Variants in RNF152 observed in about 807,000 individuals in gnomAD.
The protein encoded by RNF152 is ring finger protein 152.
Under a neutral mutation model 12.7 loss-of-function variants are expected in RNF152, and 11 were observed. The ratio of observed to expected loss-of-function variants is 0.86; its 90% CI spans 0.54 to 1.43. The LOEUF (loss-of-function observed/expected upper bound fraction) is 1.43. Ranked by LOEUF, RNF152 falls within the 40% of genes most tolerant of loss-of-function variation. The pLI is 0.00. For synonymous variants in RNF152, 113 were observed against 120.3 expected (o/e 0.94, Z 0.40); for missense variants, 255 against 274.8 (o/e 0.93, Z 0.51).
At chr18:61,869,665 T>C (rs1911895366) in intron 1 of RNF152, among the ~76,000 whole-genome samples, 1 of 152,172 alleles carries the variant, frequency 6.6e-6, no homozygotes, top group African/African-American at 2.4e-5. Flanking sequence ...TTAGAATAAG[T>C]ACAGGTTTTA....
chr18:61,873,495 C>A (rs2076402590), intron 1 of RNF152, among the ~76,000 whole-genome samples: 1 of 152,156 alleles, frequency 6.6e-6, no homozygotes, highest in African/African-American at 2.4e-5. Flanking sequence ...GCCACCACGC[C>A]TGGCTAATTT....
chr18:61,856,619 C>T (rs879256284), intron 1 of RNF152, among the ~76,000 whole-genome samples: 3 of 152,312 alleles, frequency 2.0e-5, no homozygotes, highest in South Asian at 2.1e-4. Context: ...TTTGATACCC[C>T]TTCTTTCTGC....
chr18:61,868,628 G>A (rs1417307387), intron 1 of RNF152, among the ~76,000 whole-genome samples: 1 of 152,082 alleles, frequency 6.6e-6, no homozygotes, highest in Non-Finnish European at 1.5e-5. Context: ...TCATGAACCC[G>A]GGAAGCAGAG....
At position 61,878,204 on chromosome 18, in the gene RNF152, T is replaced by C. The variant is rs559134656; in HGVS notation, c.-136+14591A>G. 2.6e-5 allele frequency among the ~76,000 whole-genome samples: 4 copies of C among 152,288 alleles called. No individual in the cohort carries two copies. In the South Asian group the frequency reaches 8.3e-4, roughly 32 times the overall value. On this transcript the variant is annotated intron_variant, in intron 1 of 1. Coordinates refer to ENST00000312828, the MANE Select transcript of RNF152 (RefSeq NM_173557.3). ...TGATTGTCAACTAGGGGTAATTTTG[T>C]CCCCTAGAGGACATTTGGCAATGTC...
intron 1 of RNF152, among the ~76,000 whole-genome samples, chr18:61,878,792 C>T (rs371021123): frequency 6.6e-6 from 1 of 152,178 alleles, no homozygotes; most frequent in Non-Finnish European, 1.5e-5. Context: ...ATCCCATTCA[C>T]AAGGGCAGAG....
chr18:61,818,679 A>G (rs1909232643), intron 1 of RNF152, among the ~76,000 whole-genome samples: 1 of 152,244 alleles, frequency 6.6e-6, no homozygotes, highest in Non-Finnish European at 1.5e-5. Flanking sequence ...CAAAGCACAA[A>G]GCTAAATACT....
chr18:61,819,014 ACAGGCT>A (rs1230566616), intron 1 of RNF152, among the ~76,000 whole-genome samples: 6 of 152,212 alleles, frequency 3.9e-5, no homozygotes, highest in African/African-American at 1.4e-4. Flanking sequence ...AAATCAGGGG[ACAGGCT>A]ATTTTCAGGT....
intron 1 of RNF152, among the ~76,000 whole-genome samples, chr18:61,877,067 C>T (rs1443004534): frequency 1.3e-5 from 2 of 152,162 alleles, no homozygotes; most frequent in African/African-American, 4.8e-5. Context: ...GCAAATAGAA[C>T]AGGCACACAG....
rs1464716915 is a variant in RNF152, at chr18:61,810,400, C to T, written c.*5452G>A. On this transcript the variant is annotated 3_prime_UTR_variant, in exon 2 of 2. Coordinates refer to ENST00000312828, the MANE Select transcript of RNF152 (RefSeq NM_173557.3). ...GTGGCCCATGCCTGTAATCCCAGCA[C>T]TTTGGGAGGCCGAGGCGGGTGGATC... 6.6e-6 allele frequency: 1 copy of T among 152,188 alleles called. No homozygotes were observed. Among genetic ancestry groups the T allele is most frequent in the East Asian group, 1.9e-4 (1 of 5,194 alleles). The allele number at this position is 152,188 out of a possible 1,614,324, so 9.4% of individuals were successfully genotyped here.
At chr18:61,866,114 T>C (rs1911713891) in intron 1 of RNF152, among the ~76,000 whole-genome samples, 1 of 152,258 alleles carries the variant, frequency 6.6e-6, no homozygotes, top group South Asian at 2.1e-4. Context: ...CCAAGGGAAT[T>C]TGGAGGGCTG....
At chr18:61,882,283 G>A (rs1912497987) in intron 1 of RNF152, among the ~76,000 whole-genome samples, 1 of 152,244 alleles carries the variant, frequency 6.6e-6, no homozygotes, top group Admixed American at 6.5e-5. Context: ...TTAGCACTGT[G>A]TGTGTAAAAA....
intron 1 of RNF152, among the ~76,000 whole-genome samples, chr18:61,845,028 T>C (rs1313932162): frequency 1.3e-5 from 2 of 152,194 alleles, no homozygotes; most frequent in Non-Finnish European, 2.9e-5. Context: ...CACTGTAGGA[T>C]TGTTATACAA....
chr18:61,855,221 TA>T (rs1911167427), intron 1 of RNF152, among the ~76,000 whole-genome samples: 1 of 152,270 alleles, frequency 6.6e-6, no homozygotes, highest in Non-Finnish European at 1.5e-5. Flanking sequence ...ATGCATTTTG[TA>T]AAGCTTTTCA....
intron 1 of RNF152, among the ~76,000 whole-genome samples, chr18:61,822,991 A>G (rs1333388702): frequency 6.6e-6 from 1 of 152,206 alleles, no homozygotes; most frequent in Non-Finnish European, 1.5e-5. Context: ...CCAGCCACTT[A>G]GTTATATTGG....
rs1912737253 is a variant in RNF152 at position 61,887,169 on chromosome 18, C to T, written c.-136+5626G>A. 6.6e-5 allele frequency among the ~76,000 whole-genome samples: 10 copies of T among 152,178 alleles called. 2 individuals are homozygous for T. Among genetic ancestry groups the T allele is most frequent in the Admixed American group, 6.5e-4 (10 of 15,282 alleles). ...AAGTTTGGGGTCAACCTGGGGAAAA[C>T]TTGAAAAGCAAAACTGAAGAATATG... is the stretch of plus-strand genomic sequence containing the variant. On this transcript the variant is annotated intron_variant, in intron 1 of 1. Transcript: ENST00000312828.
chr18:61,874,216 C>A (rs979476020), intron 1 of RNF152, among the ~76,000 whole-genome samples: 30 of 152,300 alleles, frequency 2.0e-4, no homozygotes, highest in African/African-American at 7.2e-4. Flanking sequence ...CCTAATATTA[C>A]CTCCTCGCTG....
intron 1 of RNF152, among the ~76,000 whole-genome samples, chr18:61,841,761 G>C (rs1277454648): frequency 1.3e-5 from 2 of 152,234 alleles, no homozygotes; most frequent in Admixed American, 1.3e-4. Context: ...TCTTAGACTA[G>C]TGCTTCTCAA....
intron 1 of RNF152, among the ~76,000 whole-genome samples, chr18:61,824,431 T>A (rs79800814): frequency 0.026 from 3,931 of 152,328 alleles, 94 homozygotes; most frequent in East Asian, 0.083. Flanking sequence ...ATGCTTCTCA[T>A]CCCTGACAGA....
At chr18:61,862,477 T>G (rs1337234334) in intron 1 of RNF152, among the ~76,000 whole-genome samples, 1 of 152,128 alleles carries the variant, frequency 6.6e-6, no homozygotes, top group Non-Finnish European at 1.5e-5. Context: ...CTGAGGGGCT[T>G]AAGACCCTCC....
Sources: gnomAD v4.1 joint callset for allele counts (sites outside exome capture counted in the v4.1 genomes callset) on GRCh38, gnomAD v4.1.1 for gene constraint, MANE v1.5 for transcripts, NCBI Gene and HGNC (gene_info 2026-07-23, HGNC 2026-07-21) for gene names.